AP3B1: variants seen among roughly 807,000 people sequenced by gnomAD.
The protein encoded by AP3B1 is AP-3 complex subunit beta-1.
Under a neutral mutation model 132.5 loss-of-function variants are expected in AP3B1, and 61 were observed. The observed-to-expected ratio is 0.46, with a 90% CI of 0.37 to 0.57. The LOEUF is 0.57. Ranked by LOEUF, AP3B1 falls within the 20% of genes least tolerant of loss-of-function variation. The pLI is 0.00. For missense variants in AP3B1, 1,120 were observed against 1,289.4 expected (o/e 0.87, Z 2.01); for synonymous variants, 388 against 438.3 (o/e 0.89, Z 1.43).
chr5:78,233,623 C>T lies in AP3B1; in HGVS notation c.280-5384G>A, dbSNP rs576061869. On this transcript the variant is annotated intron_variant, in intron 3 of 26. Coordinates refer to ENST00000255194, the MANE Select transcript of AP3B1 (RefSeq NM_003664.5). ...CAGAATATGAAAGGAAAACTGCCTG[C>T]GACAGCTTTTGTTCTTCACCTCAAT... Among the ~76,000 whole-genome samples the T allele has an allele frequency of 1.1e-3, 165 of 152,270 alleles. 1 individual carries two copies. Among genetic ancestry groups the T allele is most frequent in the African/African-American group, 2.9e-3 (119 of 41,554 alleles).
intron 20 of AP3B1, among the ~76,000 whole-genome samples, chr5:78,104,298 T>A (rs1303154026): frequency 6.6e-6 from 1 of 152,270 alleles, no homozygotes; most frequent in East Asian, 1.9e-4. Flanking sequence ...ACACTGCTAG[T>A]AAATTGAGAC....
chr5:78,042,337 G>A (rs773559730), intron 22 of AP3B1: 6 of 152,220 alleles, frequency 3.9e-5, no homozygotes, highest in African/African-American at 4.8e-5. Context: ...GGAACTCGTG[G>A]GCTCAAGTGA....
chr5:78,015,863 C>G (rs1024875948), intron 25 of AP3B1: 2 of 289,262 alleles, frequency 6.9e-6, no homozygotes, highest in African/African-American at 4.5e-5. Flanking sequence ...TATACTCAAT[C>G]TGGGGTTTAT....
chr5:78,170,162 G>A lies in AP3B1; in HGVS notation c.1168-4490C>T, dbSNP rs1341991401. Among the ~76,000 whole-genome samples, 5 of 152,144 alleles carry A rather than the reference G, an allele frequency of 3.3e-5. No individual in the cohort carries two copies. In the East Asian group the frequency reaches 9.6e-4, roughly 29 times the overall value. ...TTCTTAATTCAGTCTATCATTGATGGACATCTGGGTTGCTTCCAAGTCTTT... is the reference window on the plus strand; with the variant it reads ...TTCTTAATTCAGTCTATCATTGATGAACATCTGGGTTGCTTCCAAGTCTTT... On this transcript the variant is annotated intron_variant, in intron 11 of 26. Transcript: ENST00000255194.
chr5:78,108,890 A>G (rs1751455411), intron 20 of AP3B1, among the ~76,000 whole-genome samples: 1 of 152,156 alleles, frequency 6.6e-6, no homozygotes, highest in African/African-American at 2.4e-5. Flanking sequence ...TAATTTTTCA[A>G]CTGTTACAAA....
chr5:78,096,122 T>G (rs1379399964), intron 21 of AP3B1, among the ~76,000 whole-genome samples: 2 of 152,302 alleles, frequency 1.3e-5, no homozygotes, highest in East Asian at 3.9e-4. Flanking sequence ...CTGATTCTCC[T>G]GCCTCAGCCT....
intron 3 of AP3B1, among the ~76,000 whole-genome samples, chr5:78,237,390 A>C (rs931024529): frequency 1.3e-4 from 20 of 152,202 alleles, no homozygotes; most frequent in African/African-American, 4.8e-4. Flanking sequence ...GCTACTCAGA[A>C]GGCTGAGTCA....
intron 22 of AP3B1, chr5:78,043,726 T>C: frequency 2.4e-6 from 1 of 416,270 alleles, no homozygotes; most frequent in Non-Finnish European, 4.8e-6. Context: ...CACAACTACT[T>C]TCTCTGCCAC....
At chr5:78,237,864 G>T (rs1450294620) in intron 3 of AP3B1, among the ~76,000 whole-genome samples, 1 of 152,212 alleles carries the variant, frequency 6.6e-6, no homozygotes, top group Non-Finnish European at 1.5e-5. Context: ...ATAATCCAGT[G>T]ATGCATTGCT....
At chr5:78,141,049 A>G in intron 15 of AP3B1, 94 bp downstream of exon 15, 1 of 1,150,234 alleles carries the variant, frequency 8.7e-7, no homozygotes, top group Non-Finnish European at 1.3e-6. Context: ...AAATTGTTGA[A>G]TGGTCAGACT....
At chr5:78,080,316 T>C (rs1749937604) in intron 22 of AP3B1, among the ~76,000 whole-genome samples, 1 of 152,174 alleles carries the variant, frequency 6.6e-6, no homozygotes, top group African/African-American at 2.4e-5. Context: ...GCCTGTGATG[T>C]TTCTTACTAT....
intron 15 of AP3B1, among the ~76,000 whole-genome samples, chr5:78,131,386 T>C (rs1478059362): frequency 6.6e-6 from 1 of 152,038 alleles, no homozygotes; most frequent in African/African-American, 2.4e-5. Flanking sequence ...AATACCCTCT[T>C]TACAGTATTT....
chr5:78,011,521 C>T (rs1190855711), intron 26 of AP3B1, among the ~76,000 whole-genome samples: 1 of 152,174 alleles, frequency 6.6e-6, no homozygotes, highest in East Asian at 1.9e-4. Context: ...GAGCTGCTTT[C>T]TCAATTGATC....
chr5:78,003,028 C>G lies in AP3B1; in HGVS notation c.3159G>C (p.Gly1053=). Residue 1053 remains glycine, a synonymous_variant, in exon 27 of 27, where the codon GGG becomes GGC. Coordinates refer to ENST00000255194, the MANE Select transcript of AP3B1 (RefSeq NM_003664.5). ...HRFAAKTVHS[G]SLMLVTVELK... ...GTTCCACTGTGACTAGCATCAATGA[C>G]CCACTGTGCACAGTTTTAGCTGCAA... 1 of 1,614,176 alleles carries G rather than the reference C, an allele frequency of 6.2e-7. No homozygotes were observed. The highest frequency in any genetic ancestry group is 1.1e-5 in the South Asian group (1 of 91,088).
At chr5:78,138,651 T>G (rs1290416837) in intron 15 of AP3B1, among the ~76,000 whole-genome samples, 3 of 152,026 alleles carry the variant, frequency 2.0e-5, no homozygotes, top group African/African-American at 2.4e-5. Context: ...TTTTCACCAT[T>G]AGGTGGTGAG....
At chr5:78,256,907 G>C (rs1747871503) in intron 2 of AP3B1, among the ~76,000 whole-genome samples, 1 of 151,722 alleles carries the variant, frequency 6.6e-6, no homozygotes, top group Non-Finnish European at 1.5e-5. Flanking sequence ...CAACAAAATG[G>C]GCAATAAAAA....
At chr5:78,125,372 G>C (rs1289738247) in intron 17 of AP3B1, among the ~76,000 whole-genome samples, 2 of 151,852 alleles carry the variant, frequency 1.3e-5, no homozygotes, top group African/African-American at 2.4e-5. Context: ...TCTAAACCTA[G>C]GTCATTTTTC....
Position 78,259,046 on chromosome 5 carries a change from G to A in AP3B1, c.204+8474C>T, listed in dbSNP as rs11952051. On this transcript the variant is annotated intron_variant, in intron 2 of 26. Coordinates refer to ENST00000255194, the MANE Select transcript of AP3B1 (RefSeq NM_003664.5). ...AGATCAGGAGATCGAGACCATCCTG[G>A]CTAACACGGTGAAACCCCATCTCTA... Among the ~76,000 whole-genome samples the A allele has an allele frequency of 9.5e-3, 1,451 of 152,068 alleles. 28 individuals carry two copies. Among genetic ancestry groups the A allele is most frequent in the African/African-American group, 0.032 (1,336 of 41,472 alleles).
chr5:78,101,097 C>A, intron 20 of AP3B1, 72 bp from the exon 21 acceptor site: 1 of 910,814 alleles, frequency 1.1e-6, no homozygotes, highest in South Asian at 1.6e-5. Flanking sequence ...CTTAATATTC[C>A]AAAACAAACT....
Sources: gnomAD v4.1 joint callset for allele counts (sites outside exome capture counted in the v4.1 genomes callset) on GRCh38, gnomAD v4.1.1 for gene constraint, MANE v1.5 for transcripts, NCBI Gene and HGNC (gene_info 2026-07-23, HGNC 2026-07-21) for gene names.